DOCK10: variants seen among roughly 807,000 people sequenced by gnomAD.
DOCK10 encodes dedicator of cytokinesis 10, also known as dedicator of cytokinesis protein 10.
Under a neutral mutation model 280.1 loss-of-function variants are expected in DOCK10, and 145 were observed. The ratio of observed to expected loss-of-function variants is 0.52; its 90% CI spans 0.45 to 0.59. The LOEUF (loss-of-function observed/expected upper bound fraction) is 0.59. Among genes scored for constraint, DOCK10 ranks in the 20% least tolerant of loss-of-function variants. The pLI is 0.00. For synonymous variants in DOCK10, 915 were observed against 942.2 expected (o/e 0.97, Z 0.53); for missense variants, 2,368 against 2,651.7 (o/e 0.89, Z 2.35).
At position 224,906,136 on chromosome 2, in the gene DOCK10, G is replaced by A. The variant is rs184436906; in HGVS notation, c.334-9759C>T. ...GGTAATAGCCCAAGCCATAATTATG[G>A]GAGTCATCATAAACACATTCCTCTT... is the stretch of plus-strand genomic sequence containing the variant. On this transcript the variant is annotated intron_variant, in intron 3 of 55. Transcript: ENST00000258390. Among the ~76,000 whole-genome samples, 521 of 152,064 alleles carry A rather than the reference G, an allele frequency of 3.4e-3. 1 individual carries two copies. Among genetic ancestry groups the A allele is most frequent in the African/African-American group, 0.012 (501 of 41,482 alleles).
chr2:224,803,611 T>C (rs1050428642), intron 39 of DOCK10, among the ~76,000 whole-genome samples: 1 of 152,122 alleles, frequency 6.6e-6, no homozygotes, highest in Non-Finnish European at 1.5e-5. Context: ...CTAGGAAATC[T>C]AAAGTGAGGT....
chr2:224,871,320 TTC>T (rs1446686055), intron 11 of DOCK10, among the ~76,000 whole-genome samples: 1 of 151,920 alleles, frequency 6.6e-6, no homozygotes, highest in Non-Finnish European at 1.5e-5. Flanking sequence ...CCCTTGAGAT[TTC>T]TTTTTCCATT....
chr2:225,014,376 G>A (rs764053929), intron 1 of DOCK10, among the ~76,000 whole-genome samples: 1 of 151,560 alleles, frequency 6.6e-6, no homozygotes. Flanking sequence ...TGAAGTAGAA[G>A]GAAATTTCCT....
At chr2:224,864,740 C>A (rs1697763075) in intron 12 of DOCK10, 65 bp from the exon 13 acceptor site, 2 of 1,575,902 alleles carry the variant, frequency 1.3e-6, no homozygotes, top group Non-Finnish European at 1.7e-6. Flanking sequence ...TACAAAATTC[C>A]ATTTTTTTAA....
At chr2:224,900,588 C>A (rs1011529564) in intron 3 of DOCK10, among the ~76,000 whole-genome samples, 3 of 152,192 alleles carry the variant, frequency 2.0e-5, no homozygotes, top group Non-Finnish European at 4.4e-5. Flanking sequence ...TGTAATATTT[C>A]TGTTTCTGTT....
At chr2:224,997,612 G>A (rs911337613) in intron 1 of DOCK10, among the ~76,000 whole-genome samples, 5 of 152,088 alleles carry the variant, frequency 3.3e-5, no homozygotes, top group Admixed American at 6.6e-5. Flanking sequence ...ACTGCCATCC[G>A]TGTGCAACCT....
chr2:224,957,722 C>CA (rs1704133346), intron 1 of DOCK10, among the ~76,000 whole-genome samples: 1 of 152,186 alleles, frequency 6.6e-6, no homozygotes, highest in African/African-American at 2.4e-5. Context: ...TCCTTCAAAT[C>CA]AGTGCCCTCT....
chr2:225,020,724 C>T (rs1283125434), intron 1 of DOCK10, among the ~76,000 whole-genome samples: 3 of 152,172 alleles, frequency 2.0e-5, no homozygotes, highest in Non-Finnish European at 4.4e-5. Flanking sequence ...CCAGTTAGAA[C>T]AATCTTCACC....
At chr2:224,941,038 T>C (rs977851978) in intron 1 of DOCK10, among the ~76,000 whole-genome samples, 2 of 152,166 alleles carry the variant, frequency 1.3e-5, no homozygotes, top group Non-Finnish European at 2.9e-5. Context: ...ATGGTAACAA[T>C]ATGCACTACC....
chr2:224,930,093 T>A (rs1424197298), intron 2 of DOCK10, among the ~76,000 whole-genome samples: 1 of 150,714 alleles, frequency 6.6e-6, no homozygotes, highest in African/African-American at 2.4e-5. Flanking sequence ...CCCAGCTACT[T>A]GGGAGGCTGA....
At chr2:224,968,206 A>T in intron 1 of DOCK10, among the ~76,000 whole-genome samples, 1 of 152,278 alleles carries the variant, frequency 6.6e-6, no homozygotes, top group East Asian at 1.9e-4. Context: ...GAGAGCTAAC[A>T]GAAAATGGTA....
chr2:224,843,920 T>C (rs188395876), intron 22 of DOCK10, among the ~76,000 whole-genome samples: 2 of 152,176 alleles, frequency 1.3e-5, no homozygotes, highest in African/African-American at 4.8e-5. Flanking sequence ...CAACCTTAGG[T>C]AGCAGAGACT....
chr2:224,908,335 C>T (rs1033753224), intron 3 of DOCK10, among the ~76,000 whole-genome samples: 7 of 149,694 alleles, frequency 4.7e-5, no homozygotes, highest in Non-Finnish European at 1.5e-5. Flanking sequence ...TGGTTTGAAC[C>T]CCTTGCTTAA....
chr2:225,006,253 C>T (rs1269453076), intron 1 of DOCK10, among the ~76,000 whole-genome samples: 2 of 152,152 alleles, frequency 1.3e-5, no homozygotes, highest in Non-Finnish European at 2.9e-5. Context: ...CTAGTGGTTT[C>T]CTAACTGCAA....
intron 1 of DOCK10, among the ~76,000 whole-genome samples, chr2:224,956,361 G>A (rs970083134): frequency 4.6e-5 from 7 of 152,132 alleles, no homozygotes; most frequent in Admixed American, 4.6e-4. Flanking sequence ...GGTGGCTCAT[G>A]CCTGTAATCC....
chr2:224,784,763 A>G (rs1259479470), intron 50 of DOCK10: 2 of 1,289,820 alleles, frequency 1.6e-6, no homozygotes, highest in Non-Finnish European at 1.0e-6. Context: ...CAAGACCAAA[A>G]GAAGAAAAGA....
At chr2:224,842,604 T>C (rs533091188) in intron 22 of DOCK10, among the ~76,000 whole-genome samples, 2 of 152,310 alleles carry the variant, frequency 1.3e-5, no homozygotes, top group African/African-American at 2.4e-5. Flanking sequence ...TGTGTGTGTG[T>C]GCCCTATTTT....
chr2:224,892,379 C>T (rs1188310516), intron 4 of DOCK10, among the ~76,000 whole-genome samples: 35 of 103,870 alleles, frequency 3.4e-4, no homozygotes, highest in African/African-American at 1.3e-3. Context: ...AGCCTGGGGA[C>T]GAAGTGAGAC....
intron 1 of DOCK10, among the ~76,000 whole-genome samples, chr2:224,942,724 A>C (rs1407125938): frequency 6.6e-6 from 1 of 152,236 alleles, no homozygotes; most frequent in Non-Finnish European, 1.5e-5. Flanking sequence ...AGCTATTCAG[A>C]TTATATCCTC....
Sources: gnomAD v4.1 joint callset for allele counts (sites outside exome capture counted in the v4.1 genomes callset) on GRCh38, gnomAD v4.1.1 for gene constraint, MANE v1.5 for transcripts, NCBI Gene and HGNC (gene_info 2026-07-23, HGNC 2026-07-21) for gene names.